The following DLGAP2 variants were observed in gnomAD, a reference collection of about 807,000 sequenced individuals.
The protein encoded by DLGAP2 is disks large-associated protein 2.
DLGAP2 carries 26 observed loss-of-function variants against 100.3 expected under a neutral mutation model. That is an observed-to-expected ratio of 0.26 (90% confidence interval 0.19 to 0.36). The LOEUF (loss-of-function observed/expected upper bound fraction) is 0.36, where lower values mean the gene tolerates loss of function less well. DLGAP2 is among the 10% of genes least tolerant of loss of function. The pLI, the probability that DLGAP2 is intolerant of heterozygous loss-of-function variation, is 1.00. For missense variants in DLGAP2, 1,858 were observed against 1,453.2 expected (o/e 1.28, Z -4.53); for synonymous variants, 886 against 630.1 (o/e 1.41, Z -6.08).
At chr8:1,288,849 C>T (rs1247514150) in intron 3 of DLGAP2, among the ~76,000 whole-genome samples, 1 of 151,986 alleles carries the variant, frequency 6.6e-6, no homozygotes, top group Non-Finnish European at 1.5e-5. Flanking sequence ...CTGTTAGGTT[C>T]TATTACACAG....
intron 2 of DLGAP2, among the ~76,000 whole-genome samples, chr8:1,050,021 T>C (rs1353208459): frequency 6.6e-6 from 1 of 152,094 alleles, no homozygotes; most frequent in Non-Finnish European, 1.5e-5. Context: ...TGTACACACA[T>C]GCGGATATGT....
intron 6 of DLGAP2, among the ~76,000 whole-genome samples, chr8:1,578,990 T>G (rs1309052332): frequency 6.6e-6 from 1 of 152,226 alleles, no homozygotes; most frequent in Non-Finnish European, 1.5e-5. Context: ...TTTACTGCAT[T>G]TCTAAATTAG....
At chr8:813,265 GAAAA>G (rs573237600) in intron 1 of DLGAP2, among the ~76,000 whole-genome samples, 1 of 144,576 alleles carries the variant, frequency 6.9e-6, no homozygotes, top group Non-Finnish European at 1.5e-5. Flanking sequence ...TTTTCAAAAC[GAAAA>G]AAAAACCAAA....
chr8:1,342,571 G>A (rs1419376491), intron 3 of DLGAP2, among the ~76,000 whole-genome samples: 1 of 152,170 alleles, frequency 6.6e-6, no homozygotes, highest in African/African-American at 2.4e-5. Context: ...GGTAAGTTTC[G>A]ATTCCTGACA....
chr8:1,387,192 C>G (rs1323200124), intron 3 of DLGAP2, among the ~76,000 whole-genome samples: 2 of 152,130 alleles, frequency 1.3e-5, no homozygotes, highest in African/African-American at 2.4e-5. Flanking sequence ...GAGGGCTTGT[C>G]TGTGGGAAGA....
rs528547886 is a variant in DLGAP2, at chr8:1,081,274, T to C, written c.73+173308T>C. Among the ~76,000 whole-genome samples the C allele has an allele frequency of 4.0e-4, 61 of 152,344 alleles. 1 individual carries two copies. Among genetic ancestry groups the C allele is most frequent in the Middle Eastern group, 3.4e-3 (1 of 294 alleles). Reference sequence around the variant, plus strand: ...ACAGGTTCCTGCACTTAGTAAAAACTCAATAAAAATTCATTCTTAGCTATT... The same window carrying C: ...ACAGGTTCCTGCACTTAGTAAAAACCCAATAAAAATTCATTCTTAGCTATT... On this transcript the variant is annotated intron_variant, in intron 2 of 14. Coordinates refer to ENST00000637795, the MANE Select transcript of DLGAP2 (RefSeq NM_001346810.2).
chr8:1,322,194 A>T (rs750221061), intron 3 of DLGAP2, among the ~76,000 whole-genome samples: 1 of 152,228 alleles, frequency 6.6e-6, no homozygotes, highest in Non-Finnish European at 1.5e-5. Flanking sequence ...TTTTGAATTA[A>T]TTAGCCACTA....
intron 2 of DLGAP2, chr8:1,248,875 A>C (rs935313317): frequency 2.6e-5 from 4 of 152,268 alleles, no homozygotes; most frequent in African/African-American, 9.6e-5. Flanking sequence ...ATTTGGCTCT[A>C]TGCTTCTGAA....
intron 2 of DLGAP2, among the ~76,000 whole-genome samples, chr8:923,102 A>C (rs529505666): frequency 5.9e-5 from 9 of 152,332 alleles, no homozygotes; most frequent in African/African-American, 2.2e-4. Context: ...GACTGCAGCA[A>C]GTTACTACGG....
intron 2 of DLGAP2, among the ~76,000 whole-genome samples, chr8:913,782 A>G (rs145811991): frequency 3.9e-5 from 6 of 152,364 alleles, no homozygotes; most frequent in African/African-American, 1.4e-4. Context: ...GTGATACTAT[A>G]TGACCCTGAA....
chr8:787,195 T>G (rs1821890105), intron 1 of DLGAP2, among the ~76,000 whole-genome samples: 1 of 152,190 alleles, frequency 6.6e-6, no homozygotes, highest in Non-Finnish European at 1.5e-5. Flanking sequence ...AGCTGGTCCT[T>G]CCTTTGAAGA....
At chr8:868,235 G>C (rs74597234) in intron 1 of DLGAP2, among the ~76,000 whole-genome samples, 2,036 of 152,256 alleles carry the variant, frequency 0.013, 40 homozygotes, top group African/African-American at 0.047. Context: ...TCTGTCCTGT[G>C]GGGTCACATG....
chr8:1,509,327 C>CT lies in DLGAP2; in HGVS notation c.172+7896_172+7897insT, dbSNP rs769352573. ...GCCTGGCAACAGAGCAAGACTCCGTCCAAAAAAAAAAAAAAAACCGTATAG... is the reference window on the plus strand; with the variant it reads ...GCCTGGCAACAGAGCAAGACTCCGTCTCAAAAAAAAAAAAAAAACCGTATAG... On this transcript the variant is annotated intron_variant, in intron 4 of 14. Transcript: ENST00000637795. Among the ~76,000 whole-genome samples the CT allele has an allele frequency of 1.9e-3, 145 of 77,486 alleles. 2 individuals are homozygous for CT. Among genetic ancestry groups the CT allele is most frequent in the African/African-American group, 6.1e-3 (136 of 22,144 alleles). 50.8% of individuals were successfully genotyped at this position (77,486 alleles called of 152,430 possible). A position where few individuals can be genotyped will look rare whatever the true frequency, so the allele number is the denominator to read the frequency against.
intron 1 of DLGAP2, among the ~76,000 whole-genome samples, chr8:859,732 C>G (rs1170122239): frequency 1.3e-5 from 2 of 152,170 alleles, no homozygotes; most frequent in African/African-American, 2.4e-5. Flanking sequence ...TGCATTCACT[C>G]TGGCAGGTGA....
chr8:1,022,424 C>T (rs1353773900), intron 2 of DLGAP2, among the ~76,000 whole-genome samples: 1 of 149,808 alleles, frequency 6.7e-6, no homozygotes, highest in Non-Finnish European at 1.5e-5. Flanking sequence ...CAGCACCCAC[C>T]CTCCCTGGGA....
At chr8:1,533,028 T>C (rs1244098481) in intron 4 of DLGAP2, among the ~76,000 whole-genome samples, 2 of 152,014 alleles carry the variant, frequency 1.3e-5, no homozygotes, top group East Asian at 3.9e-4. Context: ...TTCCAGATGA[T>C]TCTTTCAAAA....
intron 3 of DLGAP2, among the ~76,000 whole-genome samples, chr8:1,422,343 G>A (rs959535479): frequency 1.3e-5 from 2 of 152,158 alleles, no homozygotes; most frequent in Non-Finnish European, 2.9e-5. Flanking sequence ...ATGTACCTGT[G>A]AAATTTCCGT....
chr8:1,287,823 T>C lies in DLGAP2; in HGVS notation c.106+28940T>C, dbSNP rs1167732892. ...TGGTTCTGTTAGGACGGGAACTAGTTTTGGTTCAGCGTGTGTGTGTGTGTG... is the reference window on the plus strand; with the variant it reads ...TGGTTCTGTTAGGACGGGAACTAGTCTTGGTTCAGCGTGTGTGTGTGTGTG... On this transcript the variant is annotated intron_variant, in intron 3 of 14. Coordinates refer to ENST00000637795, the MANE Select transcript of DLGAP2 (RefSeq NM_001346810.2). 5.9e-5 allele frequency among the ~76,000 whole-genome samples: 8 copies of C among 135,662 alleles called. 2 individuals are homozygous for C. Among genetic ancestry groups the C allele is most frequent in the Admixed American group, 2.2e-4 (3 of 13,468 alleles). The allele number at this position is 135,662 out of a possible 152,430, so 89.0% of individuals were successfully genotyped here. A position where few individuals can be genotyped will look rare whatever the true frequency, so the allele number is the denominator to read the frequency against.
At chr8:1,271,312 G>A (rs1362736250) in intron 3 of DLGAP2, among the ~76,000 whole-genome samples, 1 of 152,098 alleles carries the variant, frequency 6.6e-6, no homozygotes, top group Non-Finnish European at 1.5e-5. Flanking sequence ...TCAGCCGGGG[G>A]GGTGCGCCCA....
Sources: gnomAD v4.1 joint callset for allele counts (sites outside exome capture counted in the v4.1 genomes callset) on GRCh38, gnomAD v4.1.1 for gene constraint, MANE v1.5 for transcripts, NCBI Gene and HGNC (gene_info 2026-07-23, HGNC 2026-07-21) for gene names.